The following SSC5D variants were observed in gnomAD, a reference collection of about 807,000 sequenced individuals.
The protein encoded by SSC5D is scavenger receptor cysteine rich family member with 5 domains.
A neutral mutation model predicts 104.6 loss-of-function variants in SSC5D; 106 were observed. The observed-to-expected ratio is 1.01, with a 90% CI of 0.87 to 1.19. The LOEUF is 1.19. SSC5D is among the 50% of genes most tolerant of loss of function. The pLI, the probability that SSC5D is intolerant of heterozygous loss-of-function variation, is 0.00. For missense variants in SSC5D, 1,993 were observed against 2,153.8 expected (o/e 0.93, Z 1.48); for synonymous variants, 860 against 883.5 (o/e 0.97, Z 0.47).
In SSC5D at chr19:55,500,677, G is replaced by A. The variant is rs1987468721; in HGVS notation, c.2490G>A (p.Gly830=). The change falls in exon 11 of 14, where the codon GGG becomes GGA. Residue 830 remains glycine, a synonymous_variant. Coordinates refer to ENST00000389623, the MANE Select transcript of SSC5D (RefSeq NM_001144950.2). This position sits in a 1 kb window ranked among gnomAD's most constrained non-coding sequence, Gnocchi z 4.6. The stretch of plus-strand genomic sequence containing the variant: ...TAGGCAAAACCCATTACGGCCCTGG[G>A]ACTGGGCCCATCTGGCTGGATGACA... ...PRVGKTHYGP[G]TGPIWLDDMG... is the part of the protein sequence containing the mutation. 1.3e-6 allele frequency: 2 copies of A among 1,551,630 alleles called. No individual in the cohort carries two copies. The highest frequency in any genetic ancestry group is 1.4e-5 in the African/African-American group (1 of 73,044).
At chr19:55,490,104 C>T (rs1987092940) in intron 4 of SSC5D, 109 bp downstream of exon 4, 1 of 438,484 alleles carries the variant, frequency 2.3e-6, no homozygotes. Flanking sequence ...CCTCCTGCCC[C>T]CACCGAGGGG....
rs952893001 is a variant in SSC5D, at chr19:55,489,652, C to T, written c.351C>T (p.Val117=). The T allele has an allele frequency of 6.5e-6, 10 of 1,532,988 alleles. No homozygotes were observed. In the East Asian group the frequency reaches 9.8e-5, roughly 15 times the overall value. The allele number at this position is 1,532,988 out of a possible 1,614,324, so 95.0% of individuals were successfully genotyped here. A position where few individuals can be genotyped will look rare whatever the true frequency, so the allele number is the denominator to read the frequency against. The change falls in exon 3 of 14, where the codon GTC becomes GTT. Residue 117 remains valine, a synonymous_variant. Coordinates refer to ENST00000389623, the MANE Select transcript of SSC5D (RefSeq NM_001144950.2). ...GCTCCCACGAGGAGGACGCGGGCGT[C>T]GTCTGCGCAGGTGAGGACACCCTGG... ...HICSHEEDAG[V]VCAGQRVANS...
chr19:55,513,153 G>T lies in SSC5D; in HGVS notation c.2928G>T (p.Leu976=), dbSNP rs527732430. 1.9e-5 allele frequency: 29 copies of T among 1,513,490 alleles called. No homozygotes were observed. In the South Asian group the frequency reaches 3.3e-4, roughly 17 times the overall value. The allele number at this position is 1,513,490 out of a possible 1,614,324, so 93.8% of individuals were successfully genotyped here. ...GGAGCCCAGGCAGTCCTCCAACTCT[G>T]AGAGTCCATGGAGACACAGGTGAGA... The part of the protein sequence containing the change: ...TTRSPGSPPT[L]RVHGDTGSPR... The change falls in exon 13 of 14, where the codon CTG becomes CTT. Residue 976 remains leucine (L), a synonymous_variant. Coordinates refer to ENST00000389623, the MANE Select transcript of SSC5D (RefSeq NM_001144950.2).
Position 55,488,624 on chromosome 19 carries a change from C to G in SSC5D, c.25+10C>G, listed in dbSNP as rs1407314058. 1 of 1,549,982 alleles carries G rather than the reference C, an allele frequency of 6.5e-7. No homozygotes were observed. Among genetic ancestry groups the G allele is most frequent in the African/African-American group, 1.4e-5 (1 of 72,808 alleles). On this transcript the variant is annotated intron_variant, in intron 1 of 13. Transcript: ENST00000389623. ...TTGGCCTGCCTCCTTGGTGAGTGAT[C>G]CATTCTCCTTGGGGACTCGGGGGGC...
At position 55,488,517 on chromosome 19, in the gene SSC5D, C is replaced by T; in HGVS notation, c.-73C>T. 7.1e-7 allele frequency: 1 copy of T among 1,405,036 alleles called. No individual in the cohort carries two copies. Among genetic ancestry groups the T allele is most frequent in the South Asian group, 1.2e-5 (1 of 80,918 alleles). The allele number at this position is 1,405,036 out of a possible 1,614,324, so 87.0% of individuals were successfully genotyped here. On this transcript the variant is annotated 5_prime_UTR_variant, in exon 1 of 14. Transcript: ENST00000389623. ...CAGGCACTTCCCTCCCTCCCTCTCT[C>T]CCCAGCTGCCTCCTCCTCTTCTCTC...
chr19:55,493,629 C>T lies in SSC5D; in HGVS notation c.930C>T (p.Pro310=), dbSNP rs1423257224. The change falls in exon 7 of 14, where the codon CCC becomes CCT. Residue 310 remains proline (P), a synonymous_variant. Coordinates refer to ENST00000389623, the MANE Select transcript of SSC5D (RefSeq NM_001144950.2). ...PAPRLRLADG[P]HGCAGRLEVW... ...CTCGGCTGCGCCTGGCCGATGGCCC[C>T]CACGGGTGCGCCGGCCGCCTGGAGG... is the stretch of plus-strand genomic sequence containing the variant. 8 of 1,489,388 alleles carry T rather than the reference C, an allele frequency of 5.4e-6. No individual in the cohort carries two copies. The highest frequency in any genetic ancestry group is 6.2e-6 in the Non-Finnish European group (7 of 1,129,090). The allele number at this position is 1,489,388 out of a possible 1,614,324, so 92.3% of individuals were successfully genotyped here.
intron 5 of SSC5D, 39 bp from the exon 6 acceptor site, chr19:55,490,733 C>T (rs1987115413): frequency 6.9e-7 from 1 of 1,447,018 alleles, no homozygotes; most frequent in Non-Finnish European, 9.1e-7. Flanking sequence ...TGAATCATTT[C>T]TCACTGGCCA....
rs1987791050 is a variant in SSC5D, at chr19:55,513,057, A to G, written c.2832A>G (p.Ser944=). 6.4e-7 allele frequency: 1 copy of G among 1,551,820 alleles called. No individual in the cohort carries two copies. Among genetic ancestry groups the G allele is most frequent in the South Asian group, 1.2e-5 (1 of 84,060 alleles). The part of the protein sequence containing the change: ...YKLPWTWDTP[S]GRGLAEGTPT... ...TTCCCTGGACGTGGGACACACCATC[A>G]GGAAGGGGCCTGGCTGAGGGGACCC... The change falls in exon 13 of 14, where the codon TCA becomes TCG. Residue 944 remains serine, a synonymous_variant. Coordinates refer to ENST00000389623, the MANE Select transcript of SSC5D (RefSeq NM_001144950.2).
At chr19:55,489,057 T>TTGGGGGG in intron 2 of SSC5D, 25 bp downstream of exon 2, 1 of 1,247,974 alleles carries the variant, frequency 8.0e-7, no homozygotes, top group East Asian at 3.6e-5. Context: ...TCCTCCCATC[T>TTGGGGGG]GCCCGCCCCC....
At position 55,503,772 on chromosome 19, in the gene SSC5D, C is replaced by T. The variant is rs1357592449; in HGVS notation, c.2785+2571C>T. On this transcript the variant is annotated intron_variant, in intron 12 of 13. Coordinates refer to ENST00000389623, the MANE Select transcript of SSC5D (RefSeq NM_001144950.2). The surrounding 1 kb of genome is among the most constrained non-coding windows in gnomAD (Gnocchi z 4.0). ...CCTGTGCCCTCCTGAGAGGCCCAAGCCTCCCGCTCCCGCAGGAGAGTCTCG... is the reference window on the plus strand; with the variant it reads ...CCTGTGCCCTCCTGAGAGGCCCAAGTCTCCCGCTCCCGCAGGAGAGTCTCG... Among the ~76,000 whole-genome samples, 2 of 152,222 alleles carry T rather than the reference C, an allele frequency of 1.3e-5. No individual in the cohort carries two copies. The highest frequency in any genetic ancestry group is 2.9e-5 in the Non-Finnish European group (2 of 68,026).
In SSC5D at chr19:55,489,920, C is replaced by A. The variant is rs1488262220; in HGVS notation, c.400C>A (p.Pro134Thr). The change falls in exon 4 of 14, where the codon CCC becomes ACC. Residue 134 changes from proline (P) to threonine (T), a missense_variant. Coordinates refer to ENST00000389623, the MANE Select transcript of SSC5D (RefSeq NM_001144950.2). The part of the protein sequence containing the change: ...VANSRDDSTS[P>T]LDGAPWPGLL... ...TAACTCCAGGGACGACTCAACATCT[C>A]CCCTGGATGGGGCTCCCTGGCCAGG... The A allele has an allele frequency of 5.2e-6, 8 of 1,550,112 alleles. No individual in the cohort carries two copies. The Admixed American group carries it at 1.6e-4, about 30-fold the overall frequency.
Position 55,518,610 on chromosome 19 carries a change from C to G in SSC5D, c.4334C>G (p.Thr1445Arg). 2 of 1,527,802 alleles carry G rather than the reference C, an allele frequency of 1.3e-6. No homozygotes were observed. Among genetic ancestry groups the G allele is most frequent in the Non-Finnish European group, 1.8e-6 (2 of 1,135,114 alleles). The allele number at this position is 1,527,802 out of a possible 1,614,324, so 94.6% of individuals were successfully genotyped here. The change falls in exon 14 of 14, where the codon ACA (threonine) becomes AGA (arginine). Residue 1445 changes from threonine (T) to arginine (R), a missense_variant. Transcript: ENST00000389623. Reference protein sequence around the residue: ...TVSPDPLLSPTAHPLDHPPLD... With the variant: ...TVSPDPLLSPRAHPLDHPPLD... ...TCCCCTGACCCCCTCCTTTCCCCCA[C>G]AGCCCACCCCTTGGATCATCCTCCC...
chr19:55,489,039 G>A lies in SSC5D; in HGVS notation c.52+7G>A. Reference sequence around the variant, plus strand: ...GTGGGGATCCAGGCTGTTGGTAAGTGCCCAGACTCCTCCCATCTGCCCGCC... The same window carrying A: ...GTGGGGATCCAGGCTGTTGGTAAGTACCCAGACTCCTCCCATCTGCCCGCC... On this transcript the variant is annotated splice_region_variant and intron_variant, in intron 2 of 13. Transcript: ENST00000389623. 1 of 1,461,756 alleles carries A rather than the reference G, an allele frequency of 6.8e-7. No individual in the cohort carries two copies. Among genetic ancestry groups the A allele is most frequent in the South Asian group, 1.4e-5 (1 of 71,804 alleles). The allele number at this position is 1,461,756 out of a possible 1,614,324, so 90.5% of individuals were successfully genotyped here. A position where few individuals can be genotyped will look rare whatever the true frequency, so the allele number is the denominator to read the frequency against.
At chr19:55,512,067 G>T (rs116721481) in intron 12 of SSC5D, among the ~76,000 whole-genome samples, 1 of 151,826 alleles carries the variant, frequency 6.6e-6, no homozygotes, top group Admixed American at 6.6e-5. Context: ...GGCCGGGCAC[G>T]GTGGCTCACA....
intron 4 of SSC5D, 43 bp from the exon 5 acceptor site, chr19:55,490,255 A>G: frequency 1.4e-6 from 1 of 696,568 alleles, no homozygotes; most frequent in Non-Finnish European, 2.6e-6. Flanking sequence ...GGGAGGAAGG[A>G]TGAGGGGCTC....
At chr19:55,504,319 A>G (rs1436169712) in intron 12 of SSC5D, 1 of 1,415,076 alleles carries the variant, frequency 7.1e-7, no homozygotes, top group East Asian at 2.7e-5. Flanking sequence ...GCAGAATCAC[A>G]AACTGCGCCG....
rs374662373 is a variant in SSC5D, at chr19:55,501,156, C to T, written c.2740C>T (p.Arg914Cys). Residue 914 changes from arginine to cysteine, a missense_variant, in exon 12 of 14, where the codon CGC becomes TGC. By Grantham distance (180) the Arg-to-Cys change is radical. Transcript: ENST00000389623. ...GHTLPWRTTR[R>C]PGSSSPAIRR... is the part of the protein sequence containing the mutation. ...CACTCTCCCCTGGAGGACCACCCGG[C>T]GCCCGGGTAGCTCCTCCCCAGCAAT... 3.0e-5 allele frequency: 47 copies of T among 1,547,430 alleles called. No homozygotes were observed. The highest frequency in any genetic ancestry group is 1.7e-4 in the Middle Eastern group (1 of 5,988).
At chr19:55,517,114 C>T in intron 13 of SSC5D, 110 bp from the exon 14 acceptor site, 2 of 1,033,338 alleles carry the variant, frequency 1.9e-6, no homozygotes, top group East Asian at 2.6e-5. Flanking sequence ...CATGACGTCT[C>T]GAGGCTCTGT....
intron 13 of SSC5D, among the ~76,000 whole-genome samples, chr19:55,516,532 A>C (rs1987876153): frequency 6.6e-6 from 1 of 151,194 alleles, no homozygotes; most frequent in Admixed American, 6.6e-5. Flanking sequence ...ACAGGATCCT[A>C]TCCGCCTCGC....
Sources: allele counts gnomAD v4.1 joint callset (sites outside exome capture counted in the v4.1 genomes callset), GRCh38; gene constraint gnomAD v4.1.1; non-coding constraint Gnocchi (gnomAD v3.1); transcripts MANE v1.5; gene names NCBI Gene and HGNC (gene_info 2026-07-23, HGNC 2026-07-21).